Variants in ZNF578 observed in about 807,000 individuals in gnomAD.
The protein encoded by ZNF578 is zinc finger protein 578.
A neutral mutation model predicts 8.3 loss-of-function variants in ZNF578; 8 were observed. The ratio of observed to expected loss-of-function variants is 0.96; its 90% CI spans 0.56 to 1.74. The LOEUF is 1.74. Among genes scored for constraint, ZNF578 ranks in the 40% most tolerant of loss-of-function variants. The probability of loss-of-function intolerance (pLI) is 0.00; values close to 1 mark genes in which losing one functional copy is unlikely to be tolerated. For synonymous variants in ZNF578, 206 were observed against 232.2 expected (o/e 0.89, Z 1.03); for missense variants, 726 against 707.5 (o/e 1.03, Z -0.30).
intron 5 of ZNF578, among the ~76,000 whole-genome samples, chr19:52,506,308 C>G (rs1385714453): frequency 6.6e-6 from 1 of 152,050 alleles, no homozygotes. Flanking sequence ...TTTCTCTTTA[C>G]TATTATGAAC....
chr19:52,461,606 G>A lies in ZNF578; in HGVS notation c.-122+4648G>A, dbSNP rs189355168. On this transcript the variant is annotated intron_variant, in intron 2 of 5. Coordinates refer to ENST00000421239, the MANE Select transcript of ZNF578 (RefSeq NM_001099694.2). ...CAACACAGATGTTTTCACACAAAAC[G>A]TGGAATCAATACGGGTGAAAAGGCA... is the stretch of plus-strand genomic sequence containing the variant. Among the ~76,000 whole-genome samples, 16 of 152,272 alleles carry A rather than the reference G, an allele frequency of 1.1e-4. No homozygotes were observed. In the East Asian group the frequency reaches 2.1e-3, roughly 20 times the overall value.
intron 2 of ZNF578, chr19:52,475,215 C>A: frequency 4.5e-6 from 1 of 224,340 alleles, no homozygotes; most frequent in South Asian, 7.7e-5. Flanking sequence ...TTGCCATGCT[C>A]ATTACATTCA....
chr19:52,495,166 G>T (rs504211), intron 3 of ZNF578, among the ~76,000 whole-genome samples: 19,185 of 115,292 alleles, frequency 0.17, 3,574 homozygotes, highest in African/African-American at 0.3. Context: ...ATTATTATTA[G>T]TAGTAGTAGT....
At chr19:52,505,397 C>T (rs118124515) in intron 5 of ZNF578, among the ~76,000 whole-genome samples, 1,591 of 148,374 alleles carry the variant, frequency 0.011, 12 homozygotes, top group Middle Eastern at 0.021. Context: ...CAATATATGT[C>T]ATTGTTCATT....
At chr19:52,493,574 G>C (rs545830087) in intron 3 of ZNF578, among the ~76,000 whole-genome samples, 22 of 152,210 alleles carry the variant, frequency 1.4e-4, no homozygotes, top group Admixed American at 2.6e-4. Context: ...CTAGAGAGTG[G>C]GGACAGGGGG....
In ZNF578 at chr19:52,514,935, A is replaced by C. The variant is rs1298065700; in HGVS notation, c.*2781A>C. 6.8e-6 allele frequency among the ~76,000 whole-genome samples: 1 copy of C among 147,584 alleles called. No individual in the cohort carries two copies. On this transcript the variant is annotated 3_prime_UTR_variant, in exon 6 of 6. Coordinates refer to ENST00000421239, the MANE Select transcript of ZNF578 (RefSeq NM_001099694.2). The stretch of plus-strand genomic sequence containing the variant: ...CTCAGCCTCCCACTGTGATGGGATT[A>C]CAGGCATGAGCTACCACGTCGAGAC...
At chr19:52,490,259 A>G (rs2059360832) in intron 2 of ZNF578, among the ~76,000 whole-genome samples, 1 of 152,290 alleles carries the variant, frequency 6.6e-6, no homozygotes, top group Non-Finnish European at 1.5e-5. Flanking sequence ...TGACATCACA[A>G]TTGCACCCTC....
intron 2 of ZNF578, among the ~76,000 whole-genome samples, chr19:52,489,269 A>C (rs980906365): frequency 5.9e-5 from 9 of 152,072 alleles, no homozygotes; most frequent in East Asian, 3.9e-4. Flanking sequence ...AAGAAATAGC[A>C]ATCAACTCTT....
chr19:52,497,216 C>T lies in ZNF578; in HGVS notation c.-19-4611C>T, dbSNP rs149965122. ...CCAGGGTCAAGCGATTCTCCTGCCT[C>T]AGCCTCCTGAGTAGCTGGGATTACA... On this transcript the variant is annotated intron_variant, in intron 3 of 5. Transcript: ENST00000421239. Among the ~76,000 whole-genome samples the T allele has an allele frequency of 4.2e-3, 644 of 152,340 alleles. 2 individuals are homozygous for T. Among genetic ancestry groups the T allele is most frequent in the Non-Finnish European group, 6.3e-3 (430 of 68,032 alleles).
Position 52,504,782 on chromosome 19 carries a change from G to A in ZNF578, c.190+1G>A, listed in dbSNP as rs202091107. The A allele has an allele frequency of 4.8e-4, 777 of 1,614,146 alleles. 1 individual carries two copies. The highest frequency in any genetic ancestry group is 5.9e-4 in the Non-Finnish European group (694 of 1,179,996). ...AACTACAGGAACCTGGAGGCTGTGG[G>A]TGAGGAAAATGTCCCTGCAGACATG... On this transcript the variant is annotated splice_donor_variant, in intron 5 of 5. Coordinates refer to ENST00000421239, the MANE Select transcript of ZNF578 (RefSeq NM_001099694.2). LOFTEE classifies it high-confidence loss of function.
At chr19:52,466,221 C>T (rs1377241475) in intron 2 of ZNF578, among the ~76,000 whole-genome samples, 1 of 152,234 alleles carries the variant, frequency 6.6e-6, no homozygotes, top group Non-Finnish European at 1.5e-5. Context: ...ATAAACTTTA[C>T]TACTGATTTA....
At chr19:52,469,492 T>C (rs114839011) in intron 2 of ZNF578, among the ~76,000 whole-genome samples, 68 of 152,260 alleles carry the variant, frequency 4.5e-4, no homozygotes, top group African/African-American at 1.5e-3. Context: ...TGAATTTCCT[T>C]AGTTGGTTTA....
intron 4 of ZNF578, among the ~76,000 whole-genome samples, chr19:52,502,921 C>G (rs1007179739): frequency 2.0e-5 from 3 of 152,146 alleles, no homozygotes; most frequent in Admixed American, 6.6e-5. Flanking sequence ...AAGATGGAGT[C>G]TCGCTCAGTC....
intron 1 of ZNF578, chr19:52,454,223 C>G (rs1038995429): frequency 4.6e-5 from 7 of 152,248 alleles, no homozygotes; most frequent in Admixed American, 2.0e-4. Flanking sequence ...ATTCTTTCCT[C>G]CTCTGAAACT....
At position 52,504,619 on chromosome 19, in the gene ZNF578, C is replaced by G. The variant is rs2059418863; in HGVS notation, c.64-36C>G. 23 of 1,613,286 alleles carry G rather than the reference C, an allele frequency of 1.4e-5. No individual in the cohort carries two copies. In the East Asian group the frequency reaches 4.9e-4, roughly 34 times the overall value. ...CCTGTGAAGGTGATAACTCAATCCT[C>G]CATAATGTTTTGTTGAAATGTGTGT... On this transcript the variant is annotated intron_variant, in intron 4 of 5. Transcript: ENST00000421239.
At chr19:52,494,185 C>G (rs1371152670) in intron 3 of ZNF578, among the ~76,000 whole-genome samples, 1 of 151,686 alleles carries the variant, frequency 6.6e-6, no homozygotes, top group African/African-American at 2.4e-5. Flanking sequence ...GGGAGGGAAG[C>G]ACAGTAATGA....
At chr19:52,464,434 A>G (rs1331054940) in intron 2 of ZNF578, among the ~76,000 whole-genome samples, 1 of 152,118 alleles carries the variant, frequency 6.6e-6, no homozygotes, top group Non-Finnish European at 1.5e-5. Flanking sequence ...ATCTCCTAAC[A>G]ATTTTTGAAA....
intron 2 of ZNF578, among the ~76,000 whole-genome samples, chr19:52,463,087 T>C (rs566164678): frequency 1.3e-5 from 2 of 152,126 alleles, no homozygotes; most frequent in East Asian, 3.9e-4. Context: ...CTATCTCCTG[T>C]TTATGTAATT....
chr19:52,504,701 A>G lies in ZNF578; in HGVS notation c.110A>G (p.Glu37Gly). Residue 37 changes from glutamate (E) to glycine (G), a missense_variant, in exon 5 of 6, where the codon GAG (glutamate) becomes GGG (glycine). By Grantham distance (98) the Glu-to-Gly change is moderately conservative (BLOSUM62 -2). Transcript: ENST00000421239. ...RDVAIEFSLA[E>G]WKFLNPAQRA... ...GTGGCTATAGAATTCTCATTGGCAGAGTGGAAATTCCTGAACCCTGCGCAG... is the reference window on the plus strand; with the variant it reads ...GTGGCTATAGAATTCTCATTGGCAGGGTGGAAATTCCTGAACCCTGCGCAG... 1 of 1,614,110 alleles carries G rather than the reference A, an allele frequency of 6.2e-7. No individual in the cohort carries two copies. Among genetic ancestry groups the G allele is most frequent in the Non-Finnish European group, 8.5e-7 (1 of 1,180,028 alleles).
Sources: gnomAD v4.1 joint callset for allele counts (sites outside exome capture counted in the v4.1 genomes callset) on GRCh38, gnomAD v4.1.1 for gene constraint, MANE v1.5 for transcripts, NCBI Gene and HGNC (gene_info 2026-07-23, HGNC 2026-07-21) for gene names.